The following NR4A3 variants were observed in gnomAD, a reference collection of about 807,000 sequenced individuals.
NR4A3 encodes the protein chondrosarcoma, extraskeletal myxoid, fused to EWS.
A neutral mutation model predicts 55.6 loss-of-function variants in NR4A3; 13 were observed. The observed-to-expected ratio is 0.23, with a 90% CI of 0.15 to 0.37. The LOEUF (loss-of-function observed/expected upper bound fraction) is 0.37, where lower values mean the gene tolerates loss of function less well. Ranked by LOEUF, NR4A3 falls within the 10% of genes least tolerant of loss-of-function variation. NR4A3 has a pLI of 1.00. For missense variants in NR4A3, 646 were observed against 822.8 expected, an observed-to-expected ratio of 0.79 and a Z score of 2.63; for synonymous variants, 342 against 357.9, an observed-to-expected ratio of 0.96 and a Z score of 0.50.
At chr9:99,827,995 C>T (rs761797953) in intron 2 of NR4A3, 46 bp from the exon 3 acceptor site, 9 of 1,565,724 alleles carry the variant, frequency 5.7e-6, no homozygotes, top group South Asian at 1.2e-5. Context: ...GGCTAGAAAA[C>T]AAGTGTTAAC....
intron 7 of NR4A3, among the ~76,000 whole-genome samples, chr9:99,860,187 T>G (rs1027767811): frequency 1.3e-5 from 2 of 151,680 alleles, no homozygotes; most frequent in African/African-American, 4.8e-5. Context: ...GTATTTAATA[T>G]TCTACTCTTT....
chr9:99,844,240 T>C (rs990631506), intron 5 of NR4A3, among the ~76,000 whole-genome samples: 7 of 152,146 alleles, frequency 4.6e-5, no homozygotes, highest in South Asian at 4.1e-4. Context: ...TAGTTCTCAA[T>C]TGGGCTACTC....
At chr9:99,841,293 T>C (rs917864932) in intron 5 of NR4A3, among the ~76,000 whole-genome samples, 6 of 150,992 alleles carry the variant, frequency 4.0e-5, no homozygotes, top group African/African-American at 1.5e-4. Flanking sequence ...CGTGCCGCCA[T>C]GCTTCCTTCT....
intron 5 of NR4A3, among the ~76,000 whole-genome samples, chr9:99,839,240 C>T (rs1166533567): frequency 1.3e-5 from 2 of 152,126 alleles, no homozygotes; most frequent in African/African-American, 4.8e-5. Flanking sequence ...TAAAATGTCA[C>T]TTTTTAAAGT....
rs1827208796 is a variant in NR4A3 at position 99,822,875 on chromosome 9, T to C, written c.-177+468T>C. Reference sequence around the variant, plus strand: ...TCTGGTGGGTCCAAGTAAATGTTGCTAATGGTGGCACCGAGCTGGTTCTCT... The same window carrying C: ...TCTGGTGGGTCCAAGTAAATGTTGCCAATGGTGGCACCGAGCTGGTTCTCT... On this transcript the variant is annotated intron_variant, in intron 1 of 7. Transcript: ENST00000395097. This position sits in a 1 kb window ranked among gnomAD's most constrained non-coding sequence, Gnocchi z 4.9. 6.6e-6 allele frequency among the ~76,000 whole-genome samples: 1 copy of C among 152,120 alleles called. No homozygotes were observed. Among genetic ancestry groups the C allele is most frequent in the Non-Finnish European group, 1.5e-5 (1 of 68,034 alleles).
In NR4A3 at chr9:99,828,487, C is replaced by T. The variant is rs1827361012; in HGVS notation, c.445C>T (p.Pro149Ser). 1.9e-6 allele frequency: 3 copies of T among 1,579,128 alleles called. No homozygotes were observed. Among genetic ancestry groups the T allele is most frequent in the Non-Finnish European group, 2.6e-6 (3 of 1,164,500 alleles). Residue 149 changes from proline to serine, a missense_variant, in exon 3 of 8, where the codon CCC becomes TCC. By Grantham distance (74) the Pro-to-Ser change is moderately conservative. Transcript: ENST00000395097. The surrounding 1 kb of genome is among the most constrained non-coding windows in gnomAD (Gnocchi z 7.7). ...PPSTPTTPAF[P>S]PQAGALWDEA... ...GTCCACCCCCACCACGCCGGCCTTCCCCCCGCAGGCGGGGGCGTTATGGGA... is the reference window on the plus strand; with the variant it reads ...GTCCACCCCCACCACGCCGGCCTTCTCCCCGCAGGCGGGGGCGTTATGGGA...
rs1468486284 is a variant in NR4A3 at position 99,864,509 on chromosome 9, T to G, written c.*642T>G. 1 of 227,594 alleles carries G rather than the reference T, an allele frequency of 4.4e-6. No individual in the cohort carries two copies. The highest frequency in any genetic ancestry group is 8.7e-6 in the Non-Finnish European group (1 of 114,342). 14.1% of individuals were successfully genotyped at this position (227,594 alleles called of 1,614,324 possible). ...AAAGTGCTGTCTTACTAAGTCTTGT[T>G]TATTAACTCTCCTTTATTCTATATG... On this transcript the variant is annotated 3_prime_UTR_variant, in exon 8 of 8. Coordinates refer to ENST00000395097, the MANE Select transcript of NR4A3 (RefSeq NM_006981.4).
At position 99,840,250 on chromosome 9, in the gene NR4A3, C is replaced by T. The variant is rs139741449; in HGVS notation, c.1255-4399C>T. Among the ~76,000 whole-genome samples, 660 of 152,316 alleles carry T rather than the reference C, an allele frequency of 4.3e-3. 5 individuals are homozygous for T. Among genetic ancestry groups the T allele is most frequent in the African/African-American group, 0.015 (636 of 41,570 alleles). ...TGCTGGGCTCCATCAGAGAAAAGTA[C>T]ACACACAGGGTGGGCAGGGACTTCA... is the stretch of plus-strand genomic sequence containing the variant. On this transcript the variant is annotated intron_variant, in intron 5 of 7. Transcript: ENST00000395097.
At chr9:99,835,554 A>G (rs774471569) in intron 5 of NR4A3, among the ~76,000 whole-genome samples, 2 of 152,246 alleles carry the variant, frequency 1.3e-5, no homozygotes, top group African/African-American at 2.4e-5. Flanking sequence ...AGCACTGCCT[A>G]GGCTAAGGCT....
chr9:99,824,768 C>A (rs1827261231), intron 1 of NR4A3, among the ~76,000 whole-genome samples: 1 of 152,248 alleles, frequency 6.6e-6, no homozygotes, highest in Non-Finnish European at 1.5e-5. Context: ...GCACCCAGTT[C>A]CTTCCCTGAG....
rs1257354089 is a variant in NR4A3, at chr9:99,825,913, G to A, written c.-3+81G>A. The A allele has an allele frequency of 5.5e-6, 1 of 182,248 alleles. No individual in the cohort carries two copies. Among genetic ancestry groups the A allele is most frequent in the Non-Finnish European group, 1.2e-5 (1 of 85,300 alleles). 11.3% of individuals were successfully genotyped at this position (182,248 alleles called of 1,614,324 possible). On this transcript the variant is annotated intron_variant, in intron 2 of 7. Coordinates refer to ENST00000395097, the MANE Select transcript of NR4A3 (RefSeq NM_006981.4). The surrounding 1 kb of genome is among the most constrained non-coding windows in gnomAD (Gnocchi z 5.0). ...GAACCACACACTCGGCGGGCAGCGT[G>A]GTCGACCTGCCCAGTGCCAGGACAG... is the stretch of plus-strand genomic sequence containing the variant.
intron 7 of NR4A3, among the ~76,000 whole-genome samples, chr9:99,859,306 GA>G (rs1225592706): frequency 6.6e-6 from 1 of 152,150 alleles, no homozygotes; most frequent in Non-Finnish European, 1.5e-5. Flanking sequence ...CAAGCTACAA[GA>G]AGAAAGGAGA....
chr9:99,826,685 G>A (rs1006826794), intron 2 of NR4A3: 1 of 1,208,638 alleles, frequency 8.3e-7, no homozygotes, highest in South Asian at 1.3e-5. Flanking sequence ...GCTTGTTAAA[G>A]AAAGGCTTGA....
chr9:99,832,916 G>T, intron 4 of NR4A3, 98 bp downstream of exon 4: 2 of 1,098,878 alleles, frequency 1.8e-6, no homozygotes, highest in East Asian at 5.2e-5. Flanking sequence ...AATTTTTCTA[G>T]TTCCTTTTTC....
intron 3 of NR4A3, among the ~76,000 whole-genome samples, chr9:99,829,603 C>T (rs186009351): frequency 2.6e-5 from 4 of 152,306 alleles, no homozygotes; most frequent in African/African-American, 7.2e-5. Context: ...CCCACGTTTG[C>T]GTGACCCCAA....
Position 99,828,767 on chromosome 9 carries a change from C to T in NR4A3, c.725C>T (p.Pro242Leu), listed in dbSNP as rs1174937463. The T allele has an allele frequency of 2.1e-6, 3 of 1,428,404 alleles. No individual in the cohort carries two copies. The highest frequency in any genetic ancestry group is 2.7e-5 in the Admixed American group (1 of 37,592). 88.5% of individuals were successfully genotyped at this position (1,428,404 alleles called of 1,614,324 possible). A position where few individuals can be genotyped will look rare whatever the true frequency, so the allele number is the denominator to read the frequency against. The change falls in exon 3 of 8, where the codon CCG becomes CTG. Residue 242 changes from proline to leucine, a missense_variant. By Grantham distance (98) the Pro-to-Leu change is moderately conservative. Around this residue, in one of 5 missense-constraint regions of NR4A3, gnomAD observed 426 missense variants for 429.4 expected, o/e 0.99. Transcript: ENST00000395097. This position sits in a 1 kb window ranked among gnomAD's most constrained non-coding sequence, Gnocchi z 7.7. ...CAGGCCGCCGCGCTTGAGAGCCACCCGTACGGGCTGCCGCTGGCCAAGAGG... is the reference window on the plus strand; with the variant it reads ...CAGGCCGCCGCGCTTGAGAGCCACCTGTACGGGCTGCCGCTGGCCAAGAGG... ...GSQAAALESH[P>L]YGLPLAKRAA...
chr9:99,828,106 T>A lies in NR4A3; in HGVS notation c.64T>A (p.Tyr22Asn). ...PPGSSYAAQT[Y>N]SSEYTTEIMN... ...AGGTTCCAGTTATGCGGCGCAGACA[T>A]ACAGCTCGGAATACACCACGGAGAT... The change falls in exon 3 of 8, where the codon TAC becomes AAC. Residue 22 changes from tyrosine (Y) to asparagine (N), a missense_variant. Tyr to Asn is a moderately radical substitution (Grantham distance 143). This residue lies in a region of NR4A3 where 426 missense variants were observed against 429.4 expected (regional missense o/e 0.99). Transcript: ENST00000395097. This position sits in a 1 kb window ranked among gnomAD's most constrained non-coding sequence, Gnocchi z 7.7. 1.2e-6 allele frequency: 2 copies of A among 1,614,006 alleles called. No homozygotes were observed. Among genetic ancestry groups the A allele is most frequent in the Non-Finnish European group, 1.7e-6 (2 of 1,180,006 alleles).
chr9:99,829,820 AG>A (rs1489260212), intron 3 of NR4A3, among the ~76,000 whole-genome samples: 1 of 152,162 alleles, frequency 6.6e-6, no homozygotes, highest in Non-Finnish European at 1.5e-5. Flanking sequence ...TTACAGTGGG[AG>A]GGCCATCAGC....
At chr9:99,862,577 A>G (rs1828027387) in intron 7 of NR4A3, among the ~76,000 whole-genome samples, 1 of 127,998 alleles carries the variant, frequency 7.8e-6, no homozygotes, top group Non-Finnish European at 1.6e-5. Context: ...AAAAAAAAAA[A>G]AAAAAAGAGA....
Sources: allele counts gnomAD v4.1 joint callset (sites outside exome capture counted in the v4.1 genomes callset), GRCh38; gene constraint gnomAD v4.1.1; regional missense constraint gnomAD v4.1.1; non-coding constraint Gnocchi (gnomAD v3.1); transcripts MANE v1.5; gene names NCBI Gene and HGNC (gene_info 2026-07-23, HGNC 2026-07-21).